Variants in PRIM2 observed in about 807,000 individuals in gnomAD.
PRIM2 encodes the protein DNA primase subunit 2.
PRIM2 carries 39 observed loss-of-function variants against 67.3 expected under a neutral mutation model. The observed-to-expected ratio is 0.58, with a 90% CI of 0.45 to 0.76. PRIM2 has a LOEUF of 0.76. PRIM2 is among the 30% of genes least tolerant of loss of function. The pLI, the probability that PRIM2 is intolerant of heterozygous loss-of-function variation, is 0.00. For synonymous variants in PRIM2, 143 were observed against 198.7 expected, an observed-to-expected ratio of 0.72 and a Z score of 2.36; for missense variants, 398 against 598.7, an observed-to-expected ratio of 0.66 and a Z score of 3.50.
At chr6:57,406,764 T>A (rs547109547) in intron 7 of PRIM2, among the ~76,000 whole-genome samples, 3 of 152,264 alleles carry the variant, frequency 2.0e-5, no homozygotes, top group Admixed American at 6.5e-5. Context: ...AATCTTATTT[T>A]TAATAATTTT....
At chr6:57,274,943 A>ATTTTTTT in the PRIM2 span, among the ~76,000 whole-genome samples, 1,442 of 137,336 alleles carry the variant, frequency 0.01, 43 homozygotes, top group African/African-American at 0.039. Context: ...CACCTGGCTA[A>ATTTTTTT]TTTTTTTTTT....
At chr6:57,380,183 A>G (rs1769908973) in intron 6 of PRIM2, among the ~76,000 whole-genome samples, 187 bp downstream of exon 6, 1 of 152,094 alleles carries the variant, frequency 6.6e-6, no homozygotes, top group East Asian at 1.9e-4. Context: ...CCTTCCACGG[A>G]CGCATTCCCA....
chr6:57,596,934 G>A (rs1194241204), intron 10 of PRIM2, among the ~76,000 whole-genome samples: 1 of 152,034 alleles, frequency 6.6e-6, no homozygotes, highest in African/African-American at 2.4e-5. Flanking sequence ...AGTTTTTGAA[G>A]TTATTTAATC....
the PRIM2 span, among the ~76,000 whole-genome samples, chr6:57,280,451 A>T: frequency 6.6e-6 from 1 of 152,150 alleles, no homozygotes; most frequent in African/African-American, 2.4e-5. Context: ...TTAGAAAGAC[A>T]ATGCAGACAG....
At chr6:57,514,228 A>T (rs1774433609) in intron 8 of PRIM2, among the ~76,000 whole-genome samples, 1 of 152,194 alleles carries the variant, frequency 6.6e-6, no homozygotes. Flanking sequence ...GCTTTCACAA[A>T]TTTTTTATCA....
the PRIM2 span, among the ~76,000 whole-genome samples, chr6:57,256,995 T>C: frequency 6.6e-6 from 1 of 152,238 alleles, no homozygotes; most frequent in Non-Finnish European, 1.5e-5. Flanking sequence ...TTCTTATCTA[T>C]TTGGTTAATT....
intron 5 of PRIM2, among the ~76,000 whole-genome samples, chr6:57,352,172 A>T (rs1041484572): frequency 5.9e-5 from 9 of 152,284 alleles, no homozygotes; most frequent in Middle Eastern, 3.4e-3. Context: ...GGTTAGTTGT[A>T]ATCTTGGAAC....
At chr6:57,431,841 A>G (rs1006332460) in intron 7 of PRIM2, among the ~76,000 whole-genome samples, 1 of 152,210 alleles carries the variant, frequency 6.6e-6, no homozygotes, top group East Asian at 1.9e-4. Flanking sequence ...AATGAAGATA[A>G]CATTGTTTCA....
chr6:57,520,576 A>G (rs1278012821), intron 8 of PRIM2, among the ~76,000 whole-genome samples: 1 of 152,200 alleles, frequency 6.6e-6, no homozygotes, highest in Non-Finnish European at 1.5e-5. Context: ...TATGGTGAAA[A>G]TACCAATGTA....
intron 12 of PRIM2, among the ~76,000 whole-genome samples, chr6:57,607,350 C>G (rs1776582860): frequency 6.6e-6 from 1 of 151,896 alleles, no homozygotes; most frequent in African/African-American, 2.4e-5. Context: ...ATAAATCCTG[C>G]TACCACAAAA....
chr6:57,385,667 T>C (rs1770120432), intron 7 of PRIM2, among the ~76,000 whole-genome samples: 1 of 152,254 alleles, frequency 6.6e-6, no homozygotes, highest in Admixed American at 6.5e-5. Context: ...TCCTTCAGTC[T>C]GCAATAGATT....
At chr6:57,465,797 C>A (rs1436521813) in intron 7 of PRIM2, among the ~76,000 whole-genome samples, 3 of 151,842 alleles carry the variant, frequency 2.0e-5, no homozygotes, top group African/African-American at 7.3e-5. Flanking sequence ...TGCTTTCTAT[C>A]ATTTTTTTTT....
the PRIM2 span, among the ~76,000 whole-genome samples, chr6:57,257,076 C>T: frequency 2.0e-5 from 3 of 152,082 alleles, no homozygotes; most frequent in African/African-American, 7.2e-5. Flanking sequence ...CACCCTGGGC[C>T]AGTGCTTCTC....
intron 10 of PRIM2, among the ~76,000 whole-genome samples, chr6:57,560,800 G>A (rs1775612359): frequency 6.6e-6 from 1 of 152,148 alleles, no homozygotes; most frequent in Non-Finnish European, 1.5e-5. Flanking sequence ...TAACTGTTCA[G>A]TAAACTCTGC....
chr6:57,512,860 G>A (rs1774400259), intron 8 of PRIM2, among the ~76,000 whole-genome samples: 1 of 152,268 alleles, frequency 6.6e-6, no homozygotes, highest in South Asian at 2.1e-4. Flanking sequence ...GCCTCCCAAA[G>A]TGTTGGGATT....
chr6:57,553,031 A>C (rs1775435060), intron 10 of PRIM2, among the ~76,000 whole-genome samples: 1 of 152,236 alleles, frequency 6.6e-6, no homozygotes, highest in African/African-American at 2.4e-5. Flanking sequence ...GAATGAGTAA[A>C]TATGAAACAA....
intron 12 of PRIM2, among the ~76,000 whole-genome samples, chr6:57,607,841 A>G (rs1417451309): frequency 6.6e-6 from 1 of 152,156 alleles, no homozygotes; most frequent in Non-Finnish European, 1.5e-5. Flanking sequence ...AGGGCATTAG[A>G]TAATTTAGGA....
At chr6:57,245,407 G>A in the PRIM2 span, among the ~76,000 whole-genome samples, 1 of 152,162 alleles carries the variant, frequency 6.6e-6, no homozygotes, top group African/African-American at 2.4e-5. Context: ...CATGCTTTAT[G>A]GGTTAGTTAT....
chr6:57,322,481 T>C (rs1481583379), intron 3 of PRIM2, among the ~76,000 whole-genome samples: 1 of 152,134 alleles, frequency 6.6e-6, no homozygotes, highest in Non-Finnish European at 1.5e-5. Flanking sequence ...CCCATGCTGC[T>C]ATTCTAGATA....
Sources: gnomAD v4.1 joint callset for allele counts (sites outside exome capture counted in the v4.1 genomes callset) on GRCh38, gnomAD v4.1.1 for gene constraint, MANE v1.5 for transcripts, NCBI Gene and HGNC (gene_info 2026-07-23, HGNC 2026-07-21) for gene names.